CSMD1: variants seen among roughly 807,000 people sequenced by gnomAD.
The protein encoded by CSMD1 is CUB and sushi domain-containing protein 1.
In CSMD1, 213 loss-of-function variants were observed where a neutral mutation model predicts 417.5. The ratio of observed to expected loss-of-function variants is 0.51; its 90% confidence interval spans 0.46 to 0.57. The LOEUF is 0.57. Among genes scored for constraint, CSMD1 ranks in the 20% least tolerant of loss-of-function variants. CSMD1 has a pLI of 0.00. For missense variants in CSMD1, 6,923 were observed against 4,529.7 expected, an observed-to-expected ratio of 1.53 and a Z score of -15.17; for synonymous variants, 2,862 against 1,736.8, an observed-to-expected ratio of 1.65 and a Z score of -16.11.
intron 1 of CSMD1, among the ~76,000 whole-genome samples, chr8:4,744,966 G>A (rs1172913273): frequency 6.6e-6 from 1 of 152,002 alleles, no homozygotes; most frequent in African/African-American, 2.4e-5. Flanking sequence ...TTTCAAATCA[G>A]ACACATTTGA....
At chr8:4,196,367 C>A (rs576701835) in intron 3 of CSMD1, among the ~76,000 whole-genome samples, 1 of 152,152 alleles carries the variant, frequency 6.6e-6, no homozygotes, top group African/African-American at 2.4e-5. Flanking sequence ...ACTTTTAGTT[C>A]TGTAGGTCTG....
intron 11 of CSMD1, among the ~76,000 whole-genome samples, chr8:3,486,392 C>T (rs1021281245): frequency 1.3e-5 from 2 of 152,082 alleles, no homozygotes; most frequent in African/African-American, 4.8e-5. Flanking sequence ...GACTTATCTC[C>T]CCAAAATAGT....
intron 12 of CSMD1, among the ~76,000 whole-genome samples, chr8:3,443,736 G>A (rs950451525): frequency 6.6e-6 from 1 of 152,186 alleles, no homozygotes; most frequent in Non-Finnish European, 1.5e-5. Flanking sequence ...TGTGAATCTA[G>A]CAATGGACAG....
chr8:3,497,350 T>C (rs1796409576), intron 10 of CSMD1, among the ~76,000 whole-genome samples: 1 of 152,190 alleles, frequency 6.6e-6, no homozygotes, highest in South Asian at 2.1e-4. Flanking sequence ...ATGTTTACAA[T>C]TGTTATACAT....
At chr8:3,500,656 G>C (rs1796562534) in intron 10 of CSMD1, among the ~76,000 whole-genome samples, 1 of 152,188 alleles carries the variant, frequency 6.6e-6, no homozygotes, top group Non-Finnish European at 1.5e-5. Flanking sequence ...AAGATCTTAA[G>C]GAGGAGGGAG....
chr8:3,952,584 A>G (rs758663580), intron 5 of CSMD1, among the ~76,000 whole-genome samples: 3 of 152,210 alleles, frequency 2.0e-5, no homozygotes, highest in African/African-American at 7.2e-5. Context: ...ATCAGCAGTC[A>G]CCAAGAGACA....
At chr8:4,492,052 G>T (rs1472224840) in intron 2 of CSMD1, among the ~76,000 whole-genome samples, 1 of 148,812 alleles carries the variant, frequency 6.7e-6, no homozygotes, top group Admixed American at 6.7e-5. Context: ...GAAAAAAAAA[G>T]AAACGACCTG....
intron 26 of CSMD1, among the ~76,000 whole-genome samples, chr8:3,275,686 C>A (rs1202681716): frequency 2.0e-5 from 3 of 152,174 alleles, no homozygotes; most frequent in East Asian, 1.9e-4. Flanking sequence ...ATTTCATCTT[C>A]CATCACTGAT....
At chr8:3,704,924 G>A (rs1362841102) in intron 7 of CSMD1, 1 of 152,222 alleles carries the variant, frequency 6.6e-6, no homozygotes, top group Non-Finnish European at 1.5e-5. Flanking sequence ...TAGTCAGAGG[G>A]CATGGATTTC....
intron 10 of CSMD1, among the ~76,000 whole-genome samples, chr8:3,519,690 T>C (rs2117442658): frequency 6.6e-6 from 1 of 152,314 alleles, no homozygotes; most frequent in Non-Finnish European, 1.5e-5. Flanking sequence ...GCTTCATTAA[T>C]TTAATGAATA....
intron 3 of CSMD1, among the ~76,000 whole-genome samples, chr8:4,086,747 G>A (rs1286814060): frequency 6.6e-6 from 1 of 152,150 alleles, no homozygotes; most frequent in Non-Finnish European, 1.5e-5. Flanking sequence ...TTGAGTTTCT[G>A]GTCAATTAAT....
At chr8:4,776,431 G>T (rs1016328571) in intron 1 of CSMD1, among the ~76,000 whole-genome samples, 14 of 152,122 alleles carry the variant, frequency 9.2e-5, no homozygotes, top group African/African-American at 3.1e-4. Flanking sequence ...GAATTCTTCG[G>T]ATCCTCATGT....
chr8:3,506,951 C>G (rs572645596), intron 10 of CSMD1, among the ~76,000 whole-genome samples: 3 of 152,054 alleles, frequency 2.0e-5, no homozygotes, highest in Admixed American at 6.5e-5. Flanking sequence ...TCACACTTAA[C>G]TAATTTAGGA....
At chr8:3,750,041 GTTCT>G (rs1797256500) in intron 6 of CSMD1, among the ~76,000 whole-genome samples, 1 of 152,054 alleles carries the variant, frequency 6.6e-6, no homozygotes, top group Non-Finnish European at 1.5e-5. Flanking sequence ...TCATTATTGA[GTTCT>G]TTATGTTTTA....
At chr8:4,072,063 C>T (rs1250539263) in intron 3 of CSMD1, among the ~76,000 whole-genome samples, 2 of 152,140 alleles carry the variant, frequency 1.3e-5, no homozygotes, top group Non-Finnish European at 2.9e-5. Context: ...TTTGGTTTTG[C>T]CACCAGCACT....
rs562831227 is a variant in CSMD1 at position 4,106,869 on chromosome 8, T to G, written c.416-74770A>C. Among the ~76,000 whole-genome samples, 3 of 152,260 alleles carry G rather than the reference T, an allele frequency of 2.0e-5. No individual in the cohort carries two copies. The East Asian group carries it at 5.8e-4, about 29-fold the overall frequency. On this transcript the variant is annotated intron_variant, in intron 3 of 69. Coordinates refer to ENST00000635120, the MANE Select transcript of CSMD1 (RefSeq NM_033225.6). ...GAAAAGAAAAACTGCCCCGCATTTC[T>G]TCAACTCAAGTCATCGTTAATATTT...
intron 3 of CSMD1, among the ~76,000 whole-genome samples, chr8:4,270,168 G>A (rs1804495211): frequency 6.6e-6 from 1 of 152,170 alleles, no homozygotes; most frequent in Non-Finnish European, 1.5e-5. Context: ...CTTGAAGGAG[G>A]CAAGCGGTTA....
chr8:4,970,404 C>A (rs956791278), intron 1 of CSMD1, among the ~76,000 whole-genome samples: 2 of 152,080 alleles, frequency 1.3e-5, no homozygotes, highest in African/African-American at 4.8e-5. Context: ...TTATTTTTAT[C>A]TTCATCAACT....
At chr8:3,509,654 A>C (rs1796981265) in intron 10 of CSMD1, among the ~76,000 whole-genome samples, 1 of 152,240 alleles carries the variant, frequency 6.6e-6, no homozygotes, top group Non-Finnish European at 1.5e-5. Flanking sequence ...AGATATCATC[A>C]ACCTAACAAA....
Sources: allele counts gnomAD v4.1 joint callset (sites outside exome capture counted in the v4.1 genomes callset), GRCh38; gene constraint gnomAD v4.1.1; transcripts MANE v1.5; gene names NCBI Gene and HGNC (gene_info 2026-07-23, HGNC 2026-07-21).